Variants in SAE1 observed in about 807,000 individuals in gnomAD.
SAE1 encodes SUMO1 activating enzyme subunit 1, also known as SUMO-activating enzyme subunit 1.
Under a neutral mutation model 40.6 loss-of-function variants are expected in SAE1, and 11 were observed. The ratio of observed to expected loss-of-function variants is 0.27; its 90% confidence interval spans 0.17 to 0.45. The LOEUF is 0.45. Ranked by LOEUF, SAE1 falls within the 20% of genes least tolerant of loss-of-function variation. SAE1 has a pLI of 1.00. For missense variants in SAE1, 373 were observed against 427.3 expected (o/e 0.87, Z 1.12); for synonymous variants, 155 against 154.3 (o/e 1.00, Z -0.03).
intron 7 of SAE1, among the ~76,000 whole-genome samples, chr19:47,199,314 G>A (rs1294946937): frequency 6.7e-6 from 1 of 148,726 alleles, no homozygotes; most frequent in Non-Finnish European, 1.5e-5. Context: ...GAACCCGGGA[G>A]GCAGAGGTTG....
At chr19:47,139,334 G>A (rs1001328252) in intron 1 of SAE1, among the ~76,000 whole-genome samples, 8 of 152,038 alleles carry the variant, frequency 5.3e-5, no homozygotes, top group Admixed American at 1.3e-4. Context: ...GAGTCGCCGC[G>A]CCTGGCACAC....
chr19:47,195,261 G>C (rs1004470657), intron 6 of SAE1, among the ~76,000 whole-genome samples: 5 of 151,976 alleles, frequency 3.3e-5, no homozygotes, highest in African/African-American at 4.8e-5. Context: ...CACCATGTTG[G>C]CCAGGTTGGT....
At chr19:47,177,946 A>G (rs2058480782) in intron 6 of SAE1, among the ~76,000 whole-genome samples, 1 of 152,122 alleles carries the variant, frequency 6.6e-6, no homozygotes, top group Non-Finnish European at 1.5e-5. Flanking sequence ...CCCTATTGAT[A>G]GAATATCAGA....
intron 2 of SAE1, among the ~76,000 whole-genome samples, chr19:47,146,234 G>A (rs781481151): frequency 3.3e-5 from 5 of 152,138 alleles, no homozygotes; most frequent in African/African-American, 4.8e-5. Flanking sequence ...AAGCCCCACT[G>A]TAAGCTTTTA....
chr19:47,209,220 A>G lies in SAE1; in HGVS notation c.1010A>G (p.Asn337Ser). 1 of 1,614,030 alleles carries G rather than the reference A, an allele frequency of 6.2e-7. No homozygotes were observed. Among genetic ancestry groups the G allele is most frequent in the Non-Finnish European group, 8.5e-7 (1 of 1,179,982 alleles). Residue 337 changes from asparagine to serine, a missense_variant, in exon 9 of 9, where the codon AAT (asparagine) becomes AGT (serine). Coordinates refer to ENST00000270225, the MANE Select transcript of SAE1 (RefSeq NM_005500.3). ...TTCTTCTTCGATGGCATGAAGGGGA[A>G]TGGGATTGTGGAGTGCCTTGGCCCC... The part of the protein sequence containing the change: ...NFFFFDGMKG[N>S]GIVECLGPK
chr19:47,195,545 C>T (rs1047808767), intron 6 of SAE1, among the ~76,000 whole-genome samples: 4 of 151,906 alleles, frequency 2.6e-5, no homozygotes, highest in Non-Finnish European at 5.9e-5. Context: ...TTGTAATGAC[C>T]TTCCTGTTTG....
chr19:47,188,857 C>CAA (rs1172827200), intron 6 of SAE1, among the ~76,000 whole-genome samples: 1 of 152,156 alleles, frequency 6.6e-6, no homozygotes, highest in Non-Finnish European at 1.5e-5. Flanking sequence ...GGCAAATATT[C>CAA]AGAGACTATG....
intron 6 of SAE1, among the ~76,000 whole-genome samples, chr19:47,174,628 A>G (rs189220060): frequency 3.7e-5 from 5 of 135,996 alleles, no homozygotes; most frequent in East Asian, 2.2e-4. Context: ...CCTGGAGTGC[A>G]GTGGCATGAT....
intron 1 of SAE1, among the ~76,000 whole-genome samples, chr19:47,134,126 G>A (rs181558579): frequency 6.6e-5 from 10 of 152,238 alleles, no homozygotes; most frequent in Admixed American, 3.3e-4. Context: ...CTCCCAAAGT[G>A]CTGGGATTAC....
chr19:47,191,555 G>GCAGT (rs2058577907), intron 6 of SAE1, among the ~76,000 whole-genome samples: 2 of 152,200 alleles, frequency 1.3e-5, no homozygotes, highest in Admixed American at 1.3e-4. Context: ...AGGCCTTGCA[G>GCAGT]CAGTCACGTG....
intron 6 of SAE1, among the ~76,000 whole-genome samples, chr19:47,178,086 C>T (rs1026155352): frequency 6.6e-6 from 1 of 151,946 alleles, no homozygotes; most frequent in Non-Finnish European, 1.5e-5. Flanking sequence ...ACTAAAAATA[C>T]AAAAATTAGC....
chr19:47,164,639 CTTTTT>C (rs1166301382), intron 5 of SAE1, among the ~76,000 whole-genome samples: 8 of 78,392 alleles, frequency 1.0e-4, no homozygotes, highest in Non-Finnish European at 2.0e-4. Context: ...GAGAATTCAC[CTTTTT>C]TTTTTTTTTT....
In SAE1 at chr19:47,175,806, T is replaced by A. The variant is rs75338616; in HGVS notation, c.733+5883T>A. Among the ~76,000 whole-genome samples the A allele has an allele frequency of 1.1e-4, 17 of 152,284 alleles. No homozygotes were observed. In the East Asian group the frequency reaches 3.3e-3, roughly 29 times the overall value. On this transcript the variant is annotated intron_variant, in intron 6 of 8. Coordinates refer to ENST00000270225, the MANE Select transcript of SAE1 (RefSeq NM_005500.3). ...AATTTCAGATCTGGAGTTCTGTGAG[T>A]TAGGGAAACAGGATCACCACCATAG...
chr19:47,198,983 G>C (rs2058634180), intron 7 of SAE1, among the ~76,000 whole-genome samples: 1 of 152,156 alleles, frequency 6.6e-6, no homozygotes, highest in South Asian at 2.1e-4. Context: ...AGCTACTCTG[G>C]AGGCTGAGGC....
At chr19:47,146,881 G>T (rs933688601) in intron 2 of SAE1, among the ~76,000 whole-genome samples, 1 of 152,138 alleles carries the variant, frequency 6.6e-6, no homozygotes, top group African/African-American at 2.4e-5. Context: ...AGACATGTAG[G>T]GTTTATGGAT....
At chr19:47,204,069 C>T (rs1315672126) in intron 8 of SAE1, among the ~76,000 whole-genome samples, 1 of 151,664 alleles carries the variant, frequency 6.6e-6, no homozygotes, top group Non-Finnish European at 1.5e-5. Context: ...TAAGTGAGTA[C>T]TATCATGATC....
intron 2 of SAE1, among the ~76,000 whole-genome samples, chr19:47,147,804 G>C (rs1008120365): frequency 4.7e-5 from 7 of 150,448 alleles, no homozygotes; most frequent in African/African-American, 1.7e-4. Context: ...TGTTGCCCAG[G>C]CTGGAGTGCA....
rs1247442499 is a variant in SAE1, at chr19:47,207,623, C to G, written c.949-1536C>G. Among the ~76,000 whole-genome samples, 5 of 152,116 alleles carry G rather than the reference C, an allele frequency of 3.3e-5. No individual in the cohort carries two copies. In the East Asian group the frequency reaches 9.6e-4, roughly 29 times the overall value. Reference sequence around the variant, plus strand: ...CGGGGGCTGACCCTGCCTCAAAAGACAGGGCCACGTGCTCACTCTCCTTCC... The same window carrying G: ...CGGGGGCTGACCCTGCCTCAAAAGAGAGGGCCACGTGCTCACTCTCCTTCC... On this transcript the variant is annotated intron_variant, in intron 8 of 8. Coordinates refer to ENST00000270225, the MANE Select transcript of SAE1 (RefSeq NM_005500.3).
chr19:47,186,913 T>C (rs1445474992), intron 6 of SAE1, among the ~76,000 whole-genome samples: 1 of 152,150 alleles, frequency 6.6e-6, no homozygotes. Flanking sequence ...GACAGAGGCT[T>C]ACGAGCCTGC....
Sources: allele counts gnomAD v4.1 joint callset (sites outside exome capture counted in the v4.1 genomes callset), GRCh38; gene constraint gnomAD v4.1.1; transcripts MANE v1.5; gene names NCBI Gene and HGNC (gene_info 2026-07-23, HGNC 2026-07-21).